Variants in PIK3C2G observed in about 807,000 individuals in gnomAD.
The protein encoded by PIK3C2G is phosphatidylinositol-4-phosphate 3-kinase catalytic subunit type 2 gamma.
PIK3C2G carries 168 observed loss-of-function variants against 181.1 expected under a neutral mutation model. That is an observed-to-expected ratio of 0.93 (90% CI 0.82 to 1.05). The LOEUF (loss-of-function observed/expected upper bound fraction) is 1.05, where lower values mean the gene tolerates loss of function less well. Among genes scored for constraint, PIK3C2G ranks in the 50% least tolerant of loss-of-function variants. PIK3C2G has a pLI of 0.00. For missense variants in PIK3C2G, 1,869 were observed against 1,732.8 expected (o/e 1.08, Z -1.40); for synonymous variants, 573 against 592.2 (o/e 0.97, Z 0.47).
chr12:18,563,510 TC>T lies in PIK3C2G; in HGVS notation c.3902+14del. 6.2e-7 allele frequency: 1 copy of T among 1,612,898 alleles called. No individual in the cohort carries two copies. The highest frequency in any genetic ancestry group is 8.5e-7 in the Non-Finnish European group (1 of 1,179,398). On this transcript the variant is annotated intron_variant, in intron 28 of 32. Transcript: ENST00000538779. ...CTGACTCTCCCAGAGTAAGGCACTG[TC>T]CTTTTACATTGTTTTGCCTTCAGTA...
chr12:18,664,608 A>AG, the PIK3C2G span, among the ~76,000 whole-genome samples: 1 of 152,074 alleles, frequency 6.6e-6, no homozygotes, highest in East Asian at 1.9e-4. Context: ...TTGCCAGGTC[A>AG]GGGATCTAGA....
At chr12:18,363,515 C>A (rs964884378) in intron 12 of PIK3C2G, among the ~76,000 whole-genome samples, 1 of 152,164 alleles carries the variant, frequency 6.6e-6, no homozygotes, top group African/African-American at 2.4e-5. Context: ...TCATCAGCCT[C>A]ATTCACAGCT....
Position 18,373,094 on chromosome 12 carries a change from A to AT in PIK3C2G, c.1880+1788dup, listed in dbSNP as rs567986754. ...CTAGACAATTTAAGGAAATAAAGATATTTTTAAGAAACCAGAAATATGTCA... is the reference window on the plus strand; with the variant it reads ...CTAGACAATTTAAGGAAATAAAGATATTTTTTAAGAAACCAGAAATATGTCA... On this transcript the variant is annotated intron_variant, in intron 13 of 32. Transcript: ENST00000538779. 1.3e-3 allele frequency among the ~76,000 whole-genome samples: 201 copies of AT among 152,328 alleles called. 1 individual carries two copies. Among genetic ancestry groups the AT allele is most frequent in the African/African-American group, 4.7e-3 (194 of 41,574 alleles).
chr12:18,287,080 G>A (rs1028732780), intron 3 of PIK3C2G, among the ~76,000 whole-genome samples, 151 bp downstream of exon 3: 3 of 152,116 alleles, frequency 2.0e-5, no homozygotes, highest in Non-Finnish European at 4.4e-5. Flanking sequence ...TGACAAATTA[G>A]TTCAATAATC....
Position 18,446,295 on chromosome 12 carries a change from C to G in PIK3C2G, c.2504+22256C>G, listed in dbSNP as rs574432685. Reference sequence around the variant, plus strand: ...CCTGGAGGTTCACCTCCGTGGACAACATTCAGAGTCTCTCTTGCCCCTGGC... The same window carrying G: ...CCTGGAGGTTCACCTCCGTGGACAAGATTCAGAGTCTCTCTTGCCCCTGGC... On this transcript the variant is annotated intron_variant, in intron 18 of 32. Coordinates refer to ENST00000538779, the MANE Select transcript of PIK3C2G (RefSeq NM_001288772.2). 1.4e-4 allele frequency among the ~76,000 whole-genome samples: 21 copies of G among 152,260 alleles called. No individual in the cohort carries two copies. The South Asian group carries it at 4.4e-3, about 32-fold the overall frequency.
chr12:18,525,155 CCAAGGCAGGTGGATCA>C (rs1943151652), intron 24 of PIK3C2G, among the ~76,000 whole-genome samples: 4 of 151,740 alleles, frequency 2.6e-5, no homozygotes, highest in Non-Finnish European at 5.9e-5. Flanking sequence ...CTTTGGGAGG[CCAAGGCAGGTGGATCA>C]CCTGAGGTCA....
intron 16 of PIK3C2G, among the ~76,000 whole-genome samples, chr12:18,416,232 A>T (rs1335890291): frequency 6.6e-6 from 1 of 151,844 alleles, no homozygotes; most frequent in African/African-American, 2.4e-5. Context: ...GCAATGGAGC[A>T]AGACTCCATC....
intron 16 of PIK3C2G, among the ~76,000 whole-genome samples, chr12:18,417,917 T>C (rs1197860724): frequency 6.6e-6 from 1 of 152,110 alleles, no homozygotes; most frequent in African/African-American, 2.4e-5. Flanking sequence ...GAAAAAAAGA[T>C]CTGGAATTTA....
intron 14 of PIK3C2G, among the ~76,000 whole-genome samples, chr12:18,389,209 T>C (rs1275493109): frequency 2.0e-5 from 3 of 151,952 alleles, no homozygotes; most frequent in Non-Finnish European, 4.4e-5. Context: ...AAAAATTAGC[T>C]GGGTGTGGTG....
In PIK3C2G at chr12:18,371,238, CTGTT is replaced by C. The variant is rs1237084541; in HGVS notation, c.1810_1813del (p.Phe604GlyfsTer34). ...AAGGGAATCCATGCTCACTGTAAAA[CTGTT>C]TGGGATTGCCTGTGCAACCAACAAT... On this transcript the variant is annotated frameshift_variant, in exon 13 of 33. Transcript: ENST00000538779. LOFTEE classifies it high-confidence loss of function. 1.2e-6 allele frequency: 2 copies of C among 1,612,396 alleles called. No homozygotes were observed. Among genetic ancestry groups the C allele is most frequent in the Non-Finnish European group, 1.7e-6 (2 of 1,178,876 alleles).
At chr12:18,244,725 T>A (rs946243048), upstream of PIK3C2G, among the ~76,000 whole-genome samples, 3 of 152,080 alleles carry the variant, frequency 2.0e-5, no homozygotes, top group Admixed American at 6.6e-5. Flanking sequence ...AAAGGGAAGA[T>A]CCAGTCTTGT....
intron 9 of PIK3C2G, among the ~76,000 whole-genome samples, chr12:18,343,077 T>G (rs1404438159): frequency 6.6e-6 from 1 of 152,102 alleles, no homozygotes. Context: ...TTAGACAATC[T>G]GTTGTGGTAA....
the PIK3C2G span, chr12:18,694,885 G>A: frequency 6.5e-7 from 1 of 1,536,132 alleles, no homozygotes; most frequent in Non-Finnish European, 8.9e-7. Flanking sequence ...ACCAAAAAAT[G>A]TAAAAGAAAA....
chr12:18,626,423 C>T (rs1057394418), intron 31 of PIK3C2G, among the ~76,000 whole-genome samples: 1 of 151,696 alleles, frequency 6.6e-6, no homozygotes, highest in Non-Finnish European at 1.5e-5. Context: ...TGTCTTTGTG[C>T]CTGGGATAAT....
intron 29 of PIK3C2G, among the ~76,000 whole-genome samples, chr12:18,587,253 T>C (rs1413755205): frequency 2.0e-5 from 3 of 151,946 alleles, no homozygotes; most frequent in South Asian, 2.1e-4. Context: ...AATAGGAAGA[T>C]AGGAAGTCAA....
At chr12:18,671,510 A>G in the PIK3C2G span, among the ~76,000 whole-genome samples, 1 of 152,156 alleles carries the variant, frequency 6.6e-6, no homozygotes, top group Non-Finnish European at 1.5e-5. Context: ...GAGCTACAGC[A>G]TTCACTATGG....
intron 19 of PIK3C2G, 147 bp from the exon 20 acceptor site, chr12:18,491,304 A>C: frequency 1.7e-6 from 1 of 581,084 alleles, no homozygotes. Context: ...TCATGCCTGA[A>C]TACATCACCT....
chr12:18,650,401 A>AT (rs63132060), downstream of PIK3C2G, among the ~76,000 whole-genome samples: 18 of 136,572 alleles, frequency 1.3e-4, no homozygotes, highest in East Asian at 4.4e-4. Flanking sequence ...ATACACACAC[A>AT]TTTTTTTTTT....
In PIK3C2G at chr12:18,284,662, A is replaced by T. The variant is rs1380071068; in HGVS notation, c.678+1903A>T. 2.6e-5 allele frequency among the ~76,000 whole-genome samples: 4 copies of T among 152,278 alleles called. No individual in the cohort carries two copies. In the South Asian group the frequency reaches 6.2e-4, roughly 24 times the overall value. On this transcript the variant is annotated intron_variant, in intron 2 of 32. Transcript: ENST00000538779. The stretch of plus-strand genomic sequence containing the variant: ...CTAGCCTAGTGATGATCTCAGCAGG[A>T]AATTAGAAACATCAAGAAACAAAGG...
Sources: allele counts gnomAD v4.1 joint callset (sites outside exome capture counted in the v4.1 genomes callset), GRCh38; gene constraint gnomAD v4.1.1; transcripts MANE v1.5; gene names NCBI Gene and HGNC (gene_info 2026-07-23, HGNC 2026-07-21).